QSER1: variants seen among roughly 807,000 people sequenced by gnomAD.
The protein encoded by QSER1 is glutamine and serine-rich protein 1.
In QSER1, 49 loss-of-function variants were observed where a neutral mutation model predicts 158.5. The ratio of observed to expected loss-of-function variants is 0.31; its 90% CI spans 0.25 to 0.39. QSER1 has a LOEUF of 0.39. Ranked by LOEUF, QSER1 falls within the 10% of genes least tolerant of loss-of-function variation. The pLI is 1.00. For missense variants in QSER1, 1,754 were observed against 2,010.3 expected (o/e 0.87, Z 2.44); for synonymous variants, 650 against 715.5 (o/e 0.91, Z 1.46).
chr11:32,968,213 A>T lies in QSER1; in HGVS notation c.5108-833A>T, dbSNP rs201068169. On this transcript the variant is annotated intron_variant, in intron 9 of 12. Coordinates refer to ENST00000650167, the MANE Select transcript of QSER1 (RefSeq NM_001076786.3). ...TATTAGAACAGATTGAATCACTAAT[A>T]GAAAGACTATGTAAACAATCATTTT... Among the ~76,000 whole-genome samples the T allele has an allele frequency of 1.4e-4, 21 of 152,332 alleles. No homozygotes were observed. The East Asian group carries it at 3.9e-3, about 28-fold the overall frequency.
intron 4 of QSER1, among the ~76,000 whole-genome samples, chr11:32,943,564 T>A (rs1190801555): frequency 6.6e-6 from 1 of 150,518 alleles, no homozygotes; most frequent in East Asian, 1.9e-4. Context: ...TGAACCAGCC[T>A]TGCATCCCAG....
intron 1 of QSER1, among the ~76,000 whole-genome samples, chr11:32,922,737 A>T (rs1851914937): frequency 6.6e-6 from 1 of 151,860 alleles, no homozygotes; most frequent in Non-Finnish European, 1.5e-5. Flanking sequence ...CACCCACCTC[A>T]GCCTCACAAA....
rs753697400 is a variant in QSER1 at position 32,966,449 on chromosome 11, T to A, written c.5107+12T>A. ...AGAGAAGAGCAATGGTACAGTCTTCTAAGTAGTACTTCCTTGGTAGTACTT... is the reference window on the plus strand; with the variant it reads ...AGAGAAGAGCAATGGTACAGTCTTCAAAGTAGTACTTCCTTGGTAGTACTT... On this transcript the variant is annotated intron_variant, in intron 9 of 12. Coordinates refer to ENST00000650167, the MANE Select transcript of QSER1 (RefSeq NM_001076786.3). 6.2e-7 allele frequency: 1 copy of A among 1,604,064 alleles called. No individual in the cohort carries two copies. The highest frequency in any genetic ancestry group is 2.2e-5 in the East Asian group (1 of 44,788).
chr11:32,935,721 G>A (rs1238926815), intron 4 of QSER1, among the ~76,000 whole-genome samples: 1 of 152,214 alleles, frequency 6.6e-6, no homozygotes, highest in East Asian at 1.9e-4. Flanking sequence ...TTGAGGCACT[G>A]TATTGTGGGC....
intron 1 of QSER1, among the ~76,000 whole-genome samples, chr11:32,926,467 G>C (rs879694632): frequency 6.6e-6 from 1 of 152,158 alleles, no homozygotes; most frequent in African/African-American, 2.4e-5. Flanking sequence ...TGTGTGTATA[G>C]AGGAAAATAA....
At position 32,976,353 on chromosome 11, in the gene QSER1, A is replaced by T; in HGVS notation, c.5474A>T (p.Lys1825Ile). 6.3e-7 allele frequency: 1 copy of T among 1,588,198 alleles called. No homozygotes were observed. The highest frequency in any genetic ancestry group is 8.5e-7 in the Non-Finnish European group (1 of 1,172,804). ...CKDEISSVQKKNEDLGQEEIV... is the reference protein window; with the variant it reads ...CKDEISSVQKINEDLGQEEIV... ...TTTTAGATTTCTTCGGTGCAGAAAA[A>T]AAATGAAGATTTAGGACAGGAGGAA... Residue 1825 changes from lysine (K) to isoleucine (I), a missense_variant, in exon 13 of 13, where the codon AAA becomes ATA. Lys to Ile is a moderately radical substitution (Grantham distance 102). Coordinates refer to ENST00000650167, the MANE Select transcript of QSER1 (RefSeq NM_001076786.3).
intron 12 of QSER1, 73 bp from the exon 13 acceptor site, chr11:32,976,261 A>G: frequency 7.8e-7 from 1 of 1,278,978 alleles, no homozygotes; most frequent in South Asian, 1.7e-5. Context: ...AAAAAATAAA[A>G]TACCAGTACT....
intron 10 of QSER1, among the ~76,000 whole-genome samples, 157 bp from the exon 11 acceptor site, chr11:32,973,240 T>TACAC (rs1852903293): frequency 6.6e-6 from 1 of 152,236 alleles, no homozygotes; most frequent in Non-Finnish European, 1.5e-5. Flanking sequence ...ATCCCATCAG[T>TACAC]ACACACACAC....
chr11:32,941,390 C>T (rs569707644), intron 4 of QSER1, among the ~76,000 whole-genome samples: 1 of 129,882 alleles, frequency 7.7e-6, no homozygotes, highest in African/African-American at 2.9e-5. Flanking sequence ...CCCCTCCACC[C>T]CCCACAACAG....
chr11:32,918,679 A>C (rs1190699412), intron 1 of QSER1, among the ~76,000 whole-genome samples: 17 of 151,966 alleles, frequency 1.1e-4, no homozygotes, highest in African/African-American at 4.1e-4. Context: ...GCTGAGGATG[A>C]GGGGAAGGAG....
Position 32,933,964 on chromosome 11 carries a change from T to C in QSER1, c.2706T>C (p.His902=). ...ATCCCTTCCTTCAGATGGAAGGTCA[T>C]GTTATTCAAAGCAATGGTGATCATT... ...IVHPFLQMEG[H]VIQSNGDHSQ... is the part of the protein sequence containing the mutation. The change falls in exon 4 of 13, where the codon CAT becomes CAC. Residue 902 remains histidine (H), a synonymous_variant. Transcript: ENST00000650167. The C allele has an allele frequency of 6.2e-7, 1 of 1,614,014 alleles. No homozygotes were observed. The highest frequency in any genetic ancestry group is 8.5e-7 in the Non-Finnish European group (1 of 1,179,966).
At chr11:32,907,422 A>C (rs558485610) in intron 1 of QSER1, among the ~76,000 whole-genome samples, 1 of 152,378 alleles carries the variant, frequency 6.6e-6, no homozygotes, top group East Asian at 1.9e-4. Flanking sequence ...CAGAAATAAT[A>C]GACTATGTTA....
intron 8 of QSER1, among the ~76,000 whole-genome samples, chr11:32,965,658 T>C (rs1389419282): frequency 1.4e-4 from 22 of 151,996 alleles, no homozygotes; most frequent in Admixed American, 1.4e-3. Context: ...CAGAATCACC[T>C]AGGAAGGGCC....
At chr11:32,955,921 G>T in intron 6 of QSER1, 67 bp from the exon 7 acceptor site, 1 of 1,454,172 alleles carries the variant, frequency 6.9e-7, no homozygotes, top group South Asian at 1.3e-5. Flanking sequence ...ATAGTCAATT[G>T]AACAAACAAA....
chr11:32,939,943 C>T (rs1590170505), intron 4 of QSER1, among the ~76,000 whole-genome samples: 1 of 147,106 alleles, frequency 6.8e-6, no homozygotes, highest in East Asian at 2.0e-4. Flanking sequence ...GCCTAGAAGA[C>T]TGAGATTTTT....
At chr11:32,963,154 AT>A (rs774172794) in intron 8 of QSER1, among the ~76,000 whole-genome samples, 1 of 152,152 alleles carries the variant, frequency 6.6e-6, no homozygotes, top group South Asian at 2.1e-4. Context: ...ATTAATTTTT[AT>A]TTTGTTTTAT....
Position 32,954,125 on chromosome 11 carries a change from A to G in QSER1, c.4446A>G (p.Gln1482=), listed in dbSNP as rs1852472024. ...EEDTESGGEG[Q]YRERDEFVVK... ...ACACAGAAAGCGGAGGAGAAGGCCA[A>G]TACAGAGAGCGTGATGAATTTGTGG... The change falls in exon 5 of 13, where the codon CAA becomes CAG. Residue 1482 remains glutamine (Q), a synonymous_variant. Coordinates refer to ENST00000650167, the MANE Select transcript of QSER1 (RefSeq NM_001076786.3). 1 of 1,614,048 alleles carries G rather than the reference A, an allele frequency of 6.2e-7. No individual in the cohort carries two copies. The highest frequency in any genetic ancestry group is 8.5e-7 in the Non-Finnish European group (1 of 1,180,018).
chr11:32,976,734 C>A lies in QSER1; in HGVS notation c.*260C>A. The A allele has an allele frequency of 3.0e-6, 1 of 333,724 alleles. No homozygotes were observed. The highest frequency in any genetic ancestry group is 5.4e-6 in the Non-Finnish European group (1 of 184,372). The allele number at this position is 333,724 out of a possible 1,614,324, so 20.7% of individuals were successfully genotyped here. ...TTGTAAACCATTGGGTAACTTGAGT[C>A]ATATTTTCAGAAACATTTTTTGACA... On this transcript the variant is annotated 3_prime_UTR_variant, in exon 13 of 13. Transcript: ENST00000650167.
intron 4 of QSER1, among the ~76,000 whole-genome samples, chr11:32,953,463 C>T (rs537729760): frequency 6.6e-6 from 1 of 152,190 alleles, no homozygotes; most frequent in East Asian, 1.9e-4. Flanking sequence ...AAGCAATTTT[C>T]GCATCTCATC....
Sources: allele counts gnomAD v4.1 joint callset (sites outside exome capture counted in the v4.1 genomes callset), GRCh38; gene constraint gnomAD v4.1.1; transcripts MANE v1.5; gene names NCBI Gene and HGNC (gene_info 2026-07-23, HGNC 2026-07-21).